The following AIG1 variants were observed in gnomAD, a reference collection of about 807,000 sequenced individuals.
AIG1 encodes the protein androgen induced 1, also known as androgen-induced gene 1 protein.
AIG1 carries 23 observed loss-of-function variants against 31.4 expected under a neutral mutation model. The observed-to-expected ratio is 0.73, with a 90% CI of 0.53 to 1.04. AIG1 has a LOEUF of 1.04. Among genes scored for constraint, AIG1 ranks in the 50% least tolerant of loss-of-function variants. The pLI, the probability that AIG1 is intolerant of heterozygous loss-of-function variation, is 0.00. For missense variants in AIG1, 274 were observed against 295.0 expected (o/e 0.93, Z 0.52); for synonymous variants, 100 against 110.5 (o/e 0.90, Z 0.60).
chr6:143,142,261 CAG>C (rs1051306302), intron 2 of AIG1, among the ~76,000 whole-genome samples: 6 of 152,028 alleles, frequency 3.9e-5, no homozygotes, highest in African/African-American at 1.4e-4. Flanking sequence ...ATTTTGGAGA[CAG>C]GGGTCCCACT....
At chr6:143,125,136 G>T (rs1202973345) in intron 1 of AIG1, among the ~76,000 whole-genome samples, 1 of 152,070 alleles carries the variant, frequency 6.6e-6, no homozygotes, top group Non-Finnish European at 1.5e-5. Flanking sequence ...GAAGAAAATT[G>T]TTACCATGAA....
At chr6:143,235,695 C>T (rs748936300) in intron 3 of AIG1, among the ~76,000 whole-genome samples, 26 of 152,108 alleles carry the variant, frequency 1.7e-4, no homozygotes, top group Admixed American at 1.4e-3. Flanking sequence ...AAAAGGATAC[C>T]GTTGTATTTA....
At chr6:143,080,691 C>T (rs370713042) in intron 1 of AIG1, among the ~76,000 whole-genome samples, 2 of 152,016 alleles carry the variant, frequency 1.3e-5, no homozygotes, top group African/African-American at 4.8e-5. Context: ...TCACGGTTGT[C>T]GCCTGAAGAG....
chr6:143,301,916 G>A (rs1270109608), intron 4 of AIG1, among the ~76,000 whole-genome samples: 1 of 152,190 alleles, frequency 6.6e-6, no homozygotes, highest in Non-Finnish European at 1.5e-5. Context: ...ACAAGGCAAG[G>A]CATGATGTCT....
intron 4 of AIG1, among the ~76,000 whole-genome samples, chr6:143,317,284 C>T (rs759995856): frequency 7.3e-5 from 11 of 151,706 alleles, no homozygotes; most frequent in Non-Finnish European, 1.5e-4. Flanking sequence ...GAATCCAACA[C>T]CATATGAAAA....
chr6:143,113,870 G>C (rs1455106824), intron 1 of AIG1, among the ~76,000 whole-genome samples: 1 of 151,906 alleles, frequency 6.6e-6, no homozygotes, highest in Non-Finnish European at 1.5e-5. Context: ...TGCCTCCCGG[G>C]TTCATGGCAT....
chr6:143,302,132 A>C (rs1311182711), intron 4 of AIG1, among the ~76,000 whole-genome samples: 1 of 152,150 alleles, frequency 6.6e-6, no homozygotes, highest in African/African-American at 2.4e-5. Context: ...TATAAAAACT[A>C]TGGAAGAAAA....
At chr6:143,302,796 C>T (rs1291766259) in intron 4 of AIG1, among the ~76,000 whole-genome samples, 1 of 152,162 alleles carries the variant, frequency 6.6e-6, no homozygotes, top group Non-Finnish European at 1.5e-5. Context: ...TGAGGAATCG[C>T]CACACTGACT....
intron 1 of AIG1, among the ~76,000 whole-genome samples, chr6:143,088,592 G>A (rs1779016408): frequency 6.6e-6 from 1 of 152,172 alleles, no homozygotes; most frequent in Non-Finnish European, 1.5e-5. Flanking sequence ...TTGACCTTTG[G>A]TGCTCATCCA....
chr6:143,341,807 G>C (rs1294723238), downstream of AIG1, among the ~76,000 whole-genome samples: 1 of 152,218 alleles, frequency 6.6e-6, no homozygotes, highest in Non-Finnish European at 1.5e-5. Flanking sequence ...AATTTTGGAG[G>C]ATGATAAATT....
At chr6:143,171,470 T>TATATATAATATATATTAA (rs1562454240) in intron 3 of AIG1, among the ~76,000 whole-genome samples, 3 of 115,658 alleles carry the variant, frequency 2.6e-5, no homozygotes, top group African/African-American at 1.1e-4. Flanking sequence ...ATATATTTAA[T>TATATATAATATATATTAA]ATATATAATA....
intron 3 of AIG1, among the ~76,000 whole-genome samples, chr6:143,225,908 A>T (rs1792910548): frequency 6.6e-6 from 1 of 152,224 alleles, no homozygotes; most frequent in South Asian, 2.1e-4. Context: ...ATTTGTTTTT[A>T]TAATTGTTTT....
intron 3 of AIG1, among the ~76,000 whole-genome samples, chr6:143,211,887 T>C (rs1169728401): frequency 4.0e-5 from 6 of 151,034 alleles, no homozygotes; most frequent in African/African-American, 1.5e-4. Context: ...AGCGAGACCC[T>C]GTCTCAAAAA....
intron 1 of AIG1, among the ~76,000 whole-genome samples, chr6:143,062,767 G>A (rs1776368589): frequency 6.6e-6 from 1 of 152,202 alleles, no homozygotes; most frequent in Non-Finnish European, 1.5e-5. Context: ...ATGTTGAGAT[G>A]TTATTTAAAA....
chr6:143,252,149 C>A (rs2128648558), intron 3 of AIG1, among the ~76,000 whole-genome samples: 1 of 152,158 alleles, frequency 6.6e-6, no homozygotes, highest in African/African-American at 2.4e-5. Context: ...GGCAGTGTTT[C>A]ACTCTTGTTG....
At chr6:143,289,232 A>G (rs1384789708) in intron 4 of AIG1, among the ~76,000 whole-genome samples, 1 of 152,150 alleles carries the variant, frequency 6.6e-6, no homozygotes, top group African/African-American at 2.4e-5. Flanking sequence ...TATGTCAAAG[A>G]AATATATTTT....
At chr6:143,232,303 G>A (rs1361269862) in intron 3 of AIG1, among the ~76,000 whole-genome samples, 2 of 152,154 alleles carry the variant, frequency 1.3e-5, no homozygotes, top group Non-Finnish European at 2.9e-5. Context: ...AGGGTATGGT[G>A]GAAGCAGAGC....
downstream of AIG1, chr6:143,343,105 C>T (rs532154289): frequency 1.9e-5 from 15 of 770,526 alleles, no homozygotes; most frequent in Non-Finnish European, 2.9e-5. Flanking sequence ...CGCAGCTGTC[C>T]GCACTAAGAT....
chr6:143,217,927 T>G (rs1056133959), intron 3 of AIG1, among the ~76,000 whole-genome samples: 2 of 152,248 alleles, frequency 1.3e-5, no homozygotes, highest in African/African-American at 4.8e-5. Flanking sequence ...AGAAGGGCTA[T>G]ATTGATTTAC....
Sources: allele counts gnomAD v4.1 joint callset (sites outside exome capture counted in the v4.1 genomes callset), GRCh38; gene constraint gnomAD v4.1.1; transcripts MANE v1.5; gene names NCBI Gene and HGNC (gene_info 2026-07-23, HGNC 2026-07-21).